Variants in SZT2 observed in about 807,000 individuals in gnomAD.
The protein encoded by SZT2 is KICSTOR complex protein SZT2.
In SZT2, 216 loss-of-function variants were observed where a neutral mutation model predicts 404.2. The ratio of observed to expected loss-of-function variants is 0.53; its 90% CI spans 0.48 to 0.60. The LOEUF is 0.60. Ranked by LOEUF, SZT2 falls within the 20% of genes least tolerant of loss-of-function variation. SZT2 has a pLI of 0.00. For missense variants in SZT2, 3,857 were observed against 4,459.2 expected (o/e 0.86, Z 3.85); for synonymous variants, 1,693 against 1,749.9 (o/e 0.97, Z 0.81).
In SZT2 at chr1:43,453,647, C is replaced by T. The variant is rs1364342648; in HGVS notation, c.*3167C>T. On this transcript the variant is annotated 3_prime_UTR_variant, in exon 72 of 72. Coordinates refer to ENST00000634258, the MANE Select transcript of SZT2 (RefSeq NM_001365999.1). ...GCAGCCCCGCTTCTCGCGCGGCGCG[C>T]GCCAGCGCCTCAGGCGTCTCCGCGT... The T allele has an allele frequency of 2.0e-6, 3 of 1,490,670 alleles. No homozygotes were observed. Among genetic ancestry groups the T allele is most frequent in the African/African-American group, 1.5e-5 (1 of 68,228 alleles). 92.3% of individuals were successfully genotyped at this position (1,490,670 alleles called of 1,614,324 possible).
At position 43,416,557 on chromosome 1, in the gene SZT2, G is replaced by C. The variant is rs1162573691; in HGVS notation, c.795G>C (p.Gly265=). ...CAGGGATTATCGTGATCACGGATGG[G>C]GTGACCAGTGTACCTGATGTTGCTG... ...SSAGIIVITD[G]VTSVPDVAVC... is the part of the protein sequence containing the mutation. The change falls in exon 7 of 72, where the codon GGG becomes GGC. Residue 265 remains glycine, a synonymous_variant. Coordinates refer to ENST00000634258, the MANE Select transcript of SZT2 (RefSeq NM_001365999.1). 3 of 1,598,188 alleles carry C rather than the reference G, an allele frequency of 1.9e-6. No individual in the cohort carries two copies. The African/African-American group carries it at 4.0e-5, about 21-fold the overall frequency.
chr1:43,395,233 A>G, intron 1 of SZT2, among the ~76,000 whole-genome samples: 1 of 152,184 alleles, frequency 6.6e-6, no homozygotes, highest in Non-Finnish European at 1.5e-5. Flanking sequence ...AACCTTCAGC[A>G]TCACTTTCTC....
rs758138686 is a variant in SZT2, at chr1:43,442,494, G to A, written c.8027G>A (p.Arg2676Gln). Reference sequence around the variant, plus strand: ...CCAGACCTGGGGGCAGCATTGGGCCGAGCGCTGGTTCGCCTGGTGCAGTGG... The same window carrying A: ...CCAGACCTGGGGGCAGCATTGGGCCAAGCGCTGGTTCGCCTGGTGCAGTGG... Reference protein sequence around the residue: ...WAPDLGAALGRALVRLVQWQN... With the variant: ...WAPDLGAALGQALVRLVQWQN... Residue 2676 changes from arginine (R) to glutamine (Q), a missense_variant, in exon 58 of 72, where the codon CGA becomes CAA. By Grantham distance (43) the Arg-to-Gln change is conservative. Around this residue, in one of 7 missense-constraint regions of SZT2, gnomAD observed 573 missense variants for 592.4 expected, o/e 0.97. Coordinates refer to ENST00000634258, the MANE Select transcript of SZT2 (RefSeq NM_001365999.1). This position sits in a 1 kb window ranked among gnomAD's most constrained non-coding sequence, Gnocchi z 4.5. The A allele has an allele frequency of 2.2e-5, 35 of 1,614,146 alleles. No homozygotes were observed. The highest frequency in any genetic ancestry group is 1.2e-4 in the South Asian group (11 of 91,080).
At position 43,431,911 on chromosome 1, in the gene SZT2, C is replaced by T; in HGVS notation, c.5274+10C>T. Reference sequence around the variant, plus strand: ...CACACAATTCAAGGAGGTAAGTTGCCCTCCAAACACTGCAGGGTCACCTTG... The same window carrying T: ...CACACAATTCAAGGAGGTAAGTTGCTCTCCAAACACTGCAGGGTCACCTTG... On this transcript the variant is annotated intron_variant, in intron 36 of 71. Transcript: ENST00000634258. 1.9e-6 allele frequency: 3 copies of T among 1,613,844 alleles called. No homozygotes were observed. Among genetic ancestry groups the T allele is most frequent in the Non-Finnish European group, 2.5e-6 (3 of 1,179,942 alleles).
Position 43,426,312 on chromosome 1 carries a change from CG to C in SZT2, c.3044-51del. ...AGGGGCCAGCTGGTCAGGGCTGAGCCGGGGGCACCGGGCAGCAGGAGGCTCT... is the reference window on the plus strand; with the variant it reads ...AGGGGCCAGCTGGTCAGGGCTGAGCCGGGGCACCGGGCAGCAGGAGGCTCT... On this transcript the variant is annotated intron_variant, in intron 21 of 71. Transcript: ENST00000634258. The surrounding 1 kb of genome is among the most constrained non-coding windows in gnomAD (Gnocchi z 4.9). The C allele has an allele frequency of 2.7e-6, 4 of 1,505,160 alleles. No homozygotes were observed. The highest frequency in any genetic ancestry group is 2.0e-5 in the Admixed American group (1 of 49,612). The allele number at this position is 1,505,160 out of a possible 1,614,324, so 93.2% of individuals were successfully genotyped here.
In SZT2 at chr1:43,448,782, A is replaced by C. The variant is rs1394918026; in HGVS notation, c.10086+54A>C. ...GGGAAACACAGCAGAAATCCTCACC[A>C]AACAGATGTGCCCCTCAGCCTGACC... On this transcript the variant is annotated intron_variant, in intron 70 of 71. Transcript: ENST00000634258. The surrounding 1 kb of genome is among the most constrained non-coding windows in gnomAD (Gnocchi z 4.2). 10 of 1,531,372 alleles carry C rather than the reference A, an allele frequency of 6.5e-6. No individual in the cohort carries two copies. Among genetic ancestry groups the C allele is most frequent in the Non-Finnish European group, 8.1e-6 (9 of 1,105,668 alleles). 94.9% of individuals were successfully genotyped at this position (1,531,372 alleles called of 1,614,324 possible). A position where few individuals can be genotyped will look rare whatever the true frequency, so the allele number is the denominator to read the frequency against.
intron 4 of SZT2, 168 bp downstream of exon 4, chr1:43,404,718 C>G: frequency 1.5e-6 from 1 of 651,412 alleles, no homozygotes; most frequent in East Asian, 2.9e-5. Context: ...TTGAGAAGAA[C>G]CAGTTCCTCT....
rs767217330 is a variant in SZT2 at position 43,437,167 on chromosome 1, C to G, written c.6035-4C>G. On this transcript the variant is annotated splice_polypyrimidine_tract_variant and splice_region_variant and intron_variant, in intron 42 of 71. Coordinates refer to ENST00000634258, the MANE Select transcript of SZT2 (RefSeq NM_001365999.1). The surrounding 1 kb of genome is among the most constrained non-coding windows in gnomAD (Gnocchi z 5.3). ...ATTTCTAATCCCTGCTCCCCCTCAC[C>G]CAGATTATGCTGCTGATGAGAGCTG... The G allele has an allele frequency of 6.2e-7, 1 of 1,614,080 alleles. No individual in the cohort carries two copies. Among genetic ancestry groups the G allele is most frequent in the Admixed American group, 1.7e-5 (1 of 60,028 alleles).
chr1:43,422,020 C>G (rs1570627209), intron 11 of SZT2, 63 bp from the exon 12 acceptor site: 2 of 1,528,194 alleles, frequency 1.3e-6, no homozygotes, highest in Admixed American at 1.8e-5. Flanking sequence ...TTTGTTTGCT[C>G]TTTGGAGTTT....
chr1:43,430,815 A>G, intron 32 of SZT2, 26 bp downstream of exon 32: 2 of 1,597,042 alleles, frequency 1.3e-6, no homozygotes, highest in Middle Eastern at 1.7e-4. Context: ...CCCGAGGGAA[A>G]GCCAAAGGTC....
rs768170405 is a variant in SZT2, at chr1:43,437,335, G to A, written c.6187+12G>A. ...GGGGGTCTCTCGGGGTATGTGATTGGCATGAGAGGGCAGGTGAGCATTGGA... is the reference window on the plus strand; with the variant it reads ...GGGGGTCTCTCGGGGTATGTGATTGACATGAGAGGGCAGGTGAGCATTGGA... On this transcript the variant is annotated intron_variant, in intron 43 of 71. Coordinates refer to ENST00000634258, the MANE Select transcript of SZT2 (RefSeq NM_001365999.1). This position sits in a 1 kb window ranked among gnomAD's most constrained non-coding sequence, Gnocchi z 5.3. 2.6e-5 allele frequency: 42 copies of A among 1,614,036 alleles called. No individual in the cohort carries two copies. Among genetic ancestry groups the A allele is most frequent in the Middle Eastern group, 1.6e-4 (1 of 6,084 alleles).
At position 43,440,601 on chromosome 1, in the gene SZT2, G is replaced by A. The variant is rs201207807; in HGVS notation, c.7344+15G>A. 5.1e-6 allele frequency: 8 copies of A among 1,564,254 alleles called. No homozygotes were observed. In the Admixed American group the frequency reaches 5.8e-5, roughly 11 times the overall value. On this transcript the variant is annotated intron_variant, in intron 52 of 71. Coordinates refer to ENST00000634258, the MANE Select transcript of SZT2 (RefSeq NM_001365999.1). ...GGGATATGCTGGTAATGGAAGAAGT[G>A]GTGAAGTGGGCATCTACCTTTCTGC...
chr1:43,437,746 C>T lies in SZT2; in HGVS notation c.6397-45C>T, dbSNP rs776998578. The T allele has an allele frequency of 6.2e-7, 1 of 1,613,972 alleles. No homozygotes were observed. The highest frequency in any genetic ancestry group is 8.5e-7 in the Non-Finnish European group (1 of 1,179,970). On this transcript the variant is annotated intron_variant, in intron 45 of 71. Coordinates refer to ENST00000634258, the MANE Select transcript of SZT2 (RefSeq NM_001365999.1). This position sits in a 1 kb window ranked among gnomAD's most constrained non-coding sequence, Gnocchi z 5.3. ...CTGATGCCCCTGTGTTCCTCTTGCA[C>T]TTTGCTCTCTGGAACCGGGGCCCTG...
intron 4 of SZT2, 45 bp from the exon 5 acceptor site, chr1:43,415,037 G>T (rs1484423914): frequency 6.3e-7 from 1 of 1,587,204 alleles, no homozygotes; most frequent in South Asian, 1.1e-5. Context: ...AGTGGTCTGT[G>T]CCACCCTGAC....
chr1:43,443,804 C>T lies in SZT2; in HGVS notation c.8825+8C>T, dbSNP rs750475998. 2 of 1,612,906 alleles carry T rather than the reference C, an allele frequency of 1.2e-6. No homozygotes were observed. Among genetic ancestry groups the T allele is most frequent in the African/African-American group, 1.3e-5 (1 of 75,000 alleles). ...CCCCTCACCCGCCCGCAGGTGAGCCCGTCCCTGTTTTCCCTTCTGTCTTCT... is the reference window on the plus strand; with the variant it reads ...CCCCTCACCCGCCCGCAGGTGAGCCTGTCCCTGTTTTCCCTTCTGTCTTCT... On this transcript the variant is annotated splice_region_variant and intron_variant, in intron 62 of 71. Transcript: ENST00000634258.
intron 46 of SZT2, 100 bp from the exon 47 acceptor site, chr1:43,438,599 A>G (rs941783920): frequency 3.1e-5 from 32 of 1,041,272 alleles, no homozygotes; most frequent in Non-Finnish European, 4.7e-5. Context: ...CACTGCCTCT[A>G]GTATACAGGG....
rs1389796157 is a variant in SZT2, at chr1:43,447,991, T to C, written c.9563+20T>C. 1 of 1,613,488 alleles carries C rather than the reference T, an allele frequency of 6.2e-7. No homozygotes were observed. The highest frequency in any genetic ancestry group is 1.3e-5 in the African/African-American group (1 of 74,814). ...TCTGCGGTCAGCAGATCCCCTACCT[T>C]GAACATGCCCATTTCCCAGCCTGCC... On this transcript the variant is annotated intron_variant, in intron 68 of 71. Transcript: ENST00000634258.
chr1:43,431,140 G>A (rs902392370), intron 33 of SZT2, 50 bp downstream of exon 33: 4 of 1,598,726 alleles, frequency 2.5e-6, no homozygotes, highest in African/African-American at 1.3e-5. Context: ...AGGGTAGGGG[G>A]ACCACTAAGC....
Position 43,447,711 on chromosome 1 carries a change from G to T in SZT2, c.9440+13G>T. 2 of 1,612,848 alleles carry T rather than the reference G, an allele frequency of 1.2e-6. No homozygotes were observed. Among genetic ancestry groups the T allele is most frequent in the Non-Finnish European group, 1.7e-6 (2 of 1,179,482 alleles). On this transcript the variant is annotated intron_variant, in intron 67 of 71. Transcript: ENST00000634258. ...CGGCATGGCACAGGTAAGGCTGAGA[G>T]GGGCATCCAGCATGCACGCTGCAGG...
Sources: gnomAD v4.1 joint callset for allele counts (sites outside exome capture counted in the v4.1 genomes callset) on GRCh38, gnomAD v4.1.1 for gene constraint, gnomAD v4.1.1 regional missense constraint, Gnocchi (gnomAD v3.1) non-coding constraint, MANE v1.5 for transcripts, NCBI Gene and HGNC (gene_info 2026-07-23, HGNC 2026-07-21) for gene names.